ARID4B: variants seen among roughly 807,000 people sequenced by gnomAD.
ARID4B encodes AT-rich interactive domain-containing protein 4B.
ARID4B carries 26 observed loss-of-function variants against 147.5 expected under a neutral mutation model. The ratio of observed to expected loss-of-function variants is 0.18; its 90% CI spans 0.13 to 0.24. The LOEUF is 0.24. ARID4B is among the 10% of genes least tolerant of loss of function. ARID4B has a pLI of 1.00. For synonymous variants in ARID4B, 512 were observed against 507.9 expected (o/e 1.01, Z -0.11); for missense variants, 1,179 against 1,511.5 (o/e 0.78, Z 3.65).
At chr1:235,230,998 T>C in intron 10 of ARID4B, 115 bp downstream of exon 10, 1 of 693,680 alleles carries the variant, frequency 1.4e-6, no homozygotes, top group Non-Finnish European at 2.4e-6. Context: ...GAACCAAATA[T>C]AACCATAAAA....
intron 2 of ARID4B, among the ~76,000 whole-genome samples, chr1:235,295,486 C>CG (rs1318443957): frequency 4.0e-5 from 5 of 123,818 alleles, no homozygotes; most frequent in East Asian, 2.4e-4. Flanking sequence ...CTCTAGCCTG[C>CG]GGGGGGACAA....
At chr1:235,305,144 G>C (rs538388242) in intron 2 of ARID4B, among the ~76,000 whole-genome samples, 2 of 152,344 alleles carry the variant, frequency 1.3e-5, no homozygotes, top group African/African-American at 4.8e-5. Flanking sequence ...ATAAGTGAAA[G>C]AGGGAGGCAG....
intron 5 of ARID4B, among the ~76,000 whole-genome samples, chr1:235,253,873 T>C (rs1330248959): frequency 2.0e-5 from 3 of 152,184 alleles, no homozygotes; most frequent in Admixed American, 1.3e-4. Context: ...TCTTTCCTTT[T>C]CTTTTTCTGA....
chr1:235,235,921 T>C lies in ARID4B; in HGVS notation c.586-1429A>G, dbSNP rs567326348. Among the ~76,000 whole-genome samples the C allele has an allele frequency of 1.8e-3, 279 of 152,026 alleles. 1 individual carries two copies. Among genetic ancestry groups the C allele is most frequent in the African/African-American group, 6.4e-3 (266 of 41,470 alleles). On this transcript the variant is annotated intron_variant, in intron 8 of 23. Transcript: ENST00000264183. ...TAGTTATTTATAGTTCCTGGGACTA[T>C]GTAGTTGTTTCCTTTTTCTTTTTCT...
chr1:235,311,669 G>A (rs1674061941), intron 2 of ARID4B, among the ~76,000 whole-genome samples: 1 of 151,894 alleles, frequency 6.6e-6, no homozygotes, highest in Admixed American at 6.6e-5. Context: ...AGCTACTTGG[G>A]AGGCAGAAAC....
At chr1:235,323,229 G>A (rs1257188104) in intron 2 of ARID4B, among the ~76,000 whole-genome samples, 1 of 151,576 alleles carries the variant, frequency 6.6e-6, no homozygotes, top group Non-Finnish European at 1.5e-5. Flanking sequence ...TAGTAGAGAC[G>A]GGGTTTTCAT....
intron 2 of ARID4B, among the ~76,000 whole-genome samples, chr1:235,307,288 T>C (rs1473742934): frequency 2.6e-5 from 4 of 151,890 alleles, no homozygotes; most frequent in Middle Eastern, 3.2e-3. Context: ...TACAAAAAAA[T>C]AAAAAACTTA....
chr1:235,220,347 A>G lies in ARID4B; in HGVS notation c.1362T>C (p.Pro454=), dbSNP rs1310430954. Residue 454 remains proline, a synonymous_variant, in exon 15 of 24, where the codon CCT becomes CCC. Transcript: ENST00000264183. ...ERNIIPREEK[P]IEDEIERKEN... ...CTTTTCTTTCAATTTCATCCTCAAT[A>G]GGCTTTTCTTCTCTTGGTATTATAT... 6.2e-7 allele frequency: 1 copy of G among 1,608,908 alleles called. No individual in the cohort carries two copies. Among genetic ancestry groups the G allele is most frequent in the East Asian group, 2.2e-5 (1 of 44,724 alleles).
intron 6 of ARID4B, among the ~76,000 whole-genome samples, chr1:235,249,605 C>A (rs1669514392): frequency 6.6e-6 from 1 of 151,592 alleles, no homozygotes; most frequent in South Asian, 2.1e-4. Flanking sequence ...ACCACCCTGG[C>A]TAACAGAGTA....
At chr1:235,264,077 G>A (rs903831396) in intron 2 of ARID4B, among the ~76,000 whole-genome samples, 1 of 152,096 alleles carries the variant, frequency 6.6e-6, no homozygotes, top group Non-Finnish European at 1.5e-5. Flanking sequence ...GTGTTAATTC[G>A]TTAGAAAGAG....
At chr1:235,237,873 G>A (rs1008947264) in intron 8 of ARID4B, among the ~76,000 whole-genome samples, 7 of 152,008 alleles carry the variant, frequency 4.6e-5, no homozygotes, top group South Asian at 2.1e-4. Flanking sequence ...AATCATCACC[G>A]GGTGTGCTGG....
chr1:235,215,982 T>C (rs1667046472), intron 16 of ARID4B, among the ~76,000 whole-genome samples: 1 of 152,040 alleles, frequency 6.6e-6, no homozygotes, highest in South Asian at 2.1e-4. Flanking sequence ...GATAATATAC[T>C]TTATCATTCC....
Position 235,220,370 on chromosome 1 carries a change from T to G in ARID4B, c.1339A>C (p.Ile447Leu), listed in dbSNP as rs1211689682. The G allele has an allele frequency of 1.2e-6, 2 of 1,610,600 alleles. No homozygotes were observed. The highest frequency in any genetic ancestry group is 3.3e-5 in the Admixed American group (2 of 59,986). The change falls in exon 15 of 24, where the codon ATA becomes CTA. Residue 447 changes from isoleucine (I) to leucine (L), a missense_variant. Physicochemically the swap from Ile to Leu is conservative, Grantham distance 5 (BLOSUM62 2). Around this residue, in one of 10 missense-constraint regions of ARID4B, gnomAD observed 204 missense variants for 210.9 expected, o/e 0.97. Coordinates refer to ENST00000264183, the MANE Select transcript of ARID4B (RefSeq NM_016374.6). ...KEIKMEEERN[I>L]IPREEKPIED... ...ATAGGCTTTTCTTCTCTTGGTATTA[T>G]ATTCCTCTCCTCCTCCATCTTTATT...
chr1:235,304,515 C>T (rs1461961736), intron 2 of ARID4B, among the ~76,000 whole-genome samples: 1 of 152,184 alleles, frequency 6.6e-6, no homozygotes, highest in Non-Finnish European at 1.5e-5. Context: ...AAGCTGCCTA[C>T]TTAAAAAGTG....
intron 5 of ARID4B, among the ~76,000 whole-genome samples, chr1:235,253,901 C>T (rs776991963): frequency 1.3e-5 from 2 of 152,072 alleles, no homozygotes; most frequent in African/African-American, 2.4e-5. Flanking sequence ...CAGGATCTCA[C>T]GTTTATTGAG....
At chr1:235,239,687 G>T (rs1218777914) in intron 8 of ARID4B, among the ~76,000 whole-genome samples, 1 of 152,102 alleles carries the variant, frequency 6.6e-6, no homozygotes, top group African/African-American at 2.4e-5. Context: ...CAATCATGAG[G>T]ATACTCCTGA....
At chr1:235,240,500 A>T in intron 7 of ARID4B, 49 bp from the exon 8 acceptor site, 1 of 1,551,720 alleles carries the variant, frequency 6.4e-7, no homozygotes. Context: ...CACAAAGAAT[A>T]AGCATGCCAA....
At chr1:235,218,570 A>G (rs1353733153) in intron 16 of ARID4B, among the ~76,000 whole-genome samples, 1 of 152,164 alleles carries the variant, frequency 6.6e-6, no homozygotes, top group Non-Finnish European at 1.5e-5. Context: ...AAACACTTTT[A>G]CTACATTCTT....
chr1:235,260,895 C>A, intron 2 of ARID4B, 143 bp from the exon 3 acceptor site: 3 of 562,632 alleles, frequency 5.3e-6, no homozygotes, highest in South Asian at 5.2e-5. Flanking sequence ...CTATAAAATA[C>A]TATAAATTAA....
Sources: allele counts gnomAD v4.1 joint callset (sites outside exome capture counted in the v4.1 genomes callset), GRCh38; gene constraint gnomAD v4.1.1; regional missense constraint gnomAD v4.1.1; transcripts MANE v1.5; gene names NCBI Gene and HGNC (gene_info 2026-07-23, HGNC 2026-07-21).